MAPKAPK5: variants seen among roughly 807,000 people sequenced by gnomAD.
The protein encoded by MAPKAPK5 is MAP kinase-activated protein kinase 5.
In MAPKAPK5, 30 loss-of-function variants were observed where a neutral mutation model predicts 65.1. That is an observed-to-expected ratio of 0.46 (90% confidence interval 0.34 to 0.63). MAPKAPK5 has a LOEUF of 0.63. MAPKAPK5 is among the 20% of genes least tolerant of loss of function. The probability of loss-of-function intolerance (pLI) is 0.01; values close to 1 mark genes in which losing one functional copy is unlikely to be tolerated. For synonymous variants in MAPKAPK5, 179 were observed against 204.6 expected (o/e 0.87, Z 1.07); for missense variants, 433 against 581.4 (o/e 0.74, Z 2.63).
intron 6 of MAPKAPK5, 108 bp from the exon 7 acceptor site, chr12:111,870,977 C>T (rs751795465): frequency 4.2e-5 from 32 of 765,968 alleles, no homozygotes; most frequent in Non-Finnish European, 6.1e-5. Flanking sequence ...CGCATCTCAG[C>T]TGGAAAGAAA....
At chr12:111,843,263 T>C in intron 1 of MAPKAPK5, 1 of 398,658 alleles carries the variant, frequency 2.5e-6, no homozygotes, top group African/African-American at 2.1e-5. Context: ...GTCCTCACTT[T>C]TCCGTGTATT....
chr12:111,870,223 A>G (rs566213461), intron 5 of MAPKAPK5, 48 bp from the exon 6 acceptor site: 1 of 1,387,618 alleles, frequency 7.2e-7, no homozygotes, highest in East Asian at 2.3e-5. Context: ...GGTGTATTAA[A>G]GAGTGGTCTT....
In MAPKAPK5 at chr12:111,900,659, A is replaced by G. The variant is rs1397081275; in HGVS notation, c.*7598A>G. 1 of 456,106 alleles carries G rather than the reference A, an allele frequency of 2.2e-6. No individual in the cohort carries two copies. Among genetic ancestry groups the G allele is most frequent in the Non-Finnish European group, 4.4e-6 (1 of 226,802 alleles). The allele number at this position is 456,106 out of a possible 1,614,324, so 28.3% of individuals were successfully genotyped here. A position where few individuals can be genotyped will look rare whatever the true frequency, so the allele number is the denominator to read the frequency against. On this transcript the variant is annotated 3_prime_UTR_variant, in exon 14 of 14. Coordinates refer to ENST00000550735, the MANE Select transcript of MAPKAPK5 (RefSeq NM_003668.4). ...ATGCATGCTGTGATGAAAACTGTAT[A>G]CTGAAGGCGAAAGCAGAGTGCAGTG...
chr12:111,844,919 A>G lies in MAPKAPK5; in HGVS notation c.36+2150A>G, dbSNP rs533161488. On this transcript the variant is annotated intron_variant, in intron 1 of 13. Coordinates refer to ENST00000550735, the MANE Select transcript of MAPKAPK5 (RefSeq NM_003668.4). Reference sequence around the variant, plus strand: ...GCTGGAATGCAGTGGGTCAGTGGAGATGATGTAGAGCAGCAATGGGAAGCA... The same window carrying G: ...GCTGGAATGCAGTGGGTCAGTGGAGGTGATGTAGAGCAGCAATGGGAAGCA... Among the ~76,000 whole-genome samples the G allele has an allele frequency of 1.7e-4, 26 of 152,310 alleles. 2 individuals carry two copies. Among genetic ancestry groups the G allele is most frequent in the African/African-American group, 5.3e-4 (22 of 41,564 alleles).
At position 111,888,884 on chromosome 12, in the gene MAPKAPK5, G is replaced by T; in HGVS notation, c.1101-1G>T. ...ATTACCCCTCCCTCAAACTCTTAAA[G>T]CACCAAGCCAAAGGACAGTGTCTAT... On this transcript the variant is annotated splice_acceptor_variant, in intron 11 of 13. Transcript: ENST00000550735. LOFTEE classifies it high-confidence loss of function. 2 of 1,613,594 alleles carry T rather than the reference G, an allele frequency of 1.2e-6. No individual in the cohort carries two copies. The highest frequency in any genetic ancestry group is 1.7e-6 in the Non-Finnish European group (2 of 1,179,708).
chr12:111,864,588 A>G (rs1158352945), intron 1 of MAPKAPK5, among the ~76,000 whole-genome samples: 3 of 152,232 alleles, frequency 2.0e-5, no homozygotes, highest in Admixed American at 6.5e-5. Context: ...CTAACATGCA[A>G]TAGTTAGCCA....
At position 111,900,679 on chromosome 12, in the gene MAPKAPK5, G is replaced by A. The variant is rs1298604973; in HGVS notation, c.*7618G>A. On this transcript the variant is annotated 3_prime_UTR_variant, in exon 14 of 14. Transcript: ENST00000550735. ...TGTATACTGAAGGCGAAAGCAGAGT[G>A]CAGTGATGGTCCATGTTGTCATAAG... 13 of 455,990 alleles carry A rather than the reference G, an allele frequency of 2.9e-5. No individual in the cohort carries two copies. Among genetic ancestry groups the A allele is most frequent in the Non-Finnish European group, 4.0e-5 (9 of 226,804 alleles). 28.2% of individuals were successfully genotyped at this position (455,990 alleles called of 1,614,324 possible).
Position 111,893,097 on chromosome 12 carries a change from A to T in MAPKAPK5, c.*36A>T. The stretch of plus-strand genomic sequence containing the variant: ...AGACTTTGTTTTTTTAACAATTTGA[A>T]AAATTATTCTTTAATGTATAAAGTA... On this transcript the variant is annotated 3_prime_UTR_variant, in exon 14 of 14. Transcript: ENST00000550735. 7.1e-7 allele frequency: 1 copy of T among 1,407,874 alleles called. No individual in the cohort carries two copies. Among genetic ancestry groups the T allele is most frequent in the Non-Finnish European group, 9.6e-7 (1 of 1,036,286 alleles). The allele number at this position is 1,407,874 out of a possible 1,614,324, so 87.2% of individuals were successfully genotyped here. A position where few individuals can be genotyped will look rare whatever the true frequency, so the allele number is the denominator to read the frequency against.
At chr12:111,860,098 T>G (rs1210485056) in intron 1 of MAPKAPK5, among the ~76,000 whole-genome samples, 2 of 152,230 alleles carry the variant, frequency 1.3e-5, no homozygotes, top group Admixed American at 6.5e-5. Flanking sequence ...TTTCATTTTT[T>G]CTTCCCAGCC....
In MAPKAPK5 at chr12:111,893,025, G is replaced by A. The variant is rs189242663; in HGVS notation, c.1380G>A (p.Val460=). The change falls in exon 14 of 14, where the codon GTG becomes GTA. Residue 460 remains valine, a synonymous_variant. Coordinates refer to ENST00000550735, the MANE Select transcript of MAPKAPK5 (RefSeq NM_003668.4). ...RLKLAEIVKQ[V]IEEQTTSHES... ...AACTGGCAGAAATTGTGAAGCAGGTGATAGAAGAGCAAACCACGTCCCACG... is the reference window on the plus strand; with the variant it reads ...AACTGGCAGAAATTGTGAAGCAGGTAATAGAAGAGCAAACCACGTCCCACG... 8.5e-5 allele frequency: 135 copies of A among 1,584,900 alleles called. No homozygotes were observed. Among genetic ancestry groups the A allele is most frequent in the Non-Finnish European group, 6.0e-6 (7 of 1,165,032 alleles).
At chr12:111,868,713 T>C (rs1265643146) in intron 4 of MAPKAPK5, 40 bp from the exon 5 acceptor site, 6 of 1,452,794 alleles carry the variant, frequency 4.1e-6, no homozygotes, top group East Asian at 2.5e-5. Flanking sequence ...TTTTTCTTTT[T>C]TTTTTTTTTA....
At chr12:111,857,277 C>T (rs1333623780) in intron 1 of MAPKAPK5, among the ~76,000 whole-genome samples, 3 of 150,862 alleles carry the variant, frequency 2.0e-5, no homozygotes, top group Non-Finnish European at 3.0e-5. Context: ...GCCTCGCTCC[C>T]GTTGCTTAGG....
Position 111,896,332 on chromosome 12 carries a change from G to C in MAPKAPK5, c.*3271G>C, listed in dbSNP as rs944769204. 6.6e-6 allele frequency: 1 copy of C among 152,096 alleles called. No individual in the cohort carries two copies. Among genetic ancestry groups the C allele is most frequent in the Non-Finnish European group, 1.5e-5 (1 of 68,040 alleles). 9.4% of individuals were successfully genotyped at this position (152,096 alleles called of 1,614,324 possible). On this transcript the variant is annotated 3_prime_UTR_variant, in exon 14 of 14. Transcript: ENST00000550735. ...GCCCTCAATGTAAGTGCTGTGTCCA[G>C]ACACATCCAAATGAGCACCAAGCTG...
chr12:111,877,025 A>AT (rs60828767), intron 7 of MAPKAPK5, among the ~76,000 whole-genome samples: 32 of 139,648 alleles, frequency 2.3e-4, no homozygotes, highest in African/African-American at 3.2e-4. Context: ...TTTAATTTTA[A>AT]TTTTTTTTTT....
Position 111,867,663 on chromosome 12 carries a change from G to A in MAPKAPK5, c.278G>A (p.Ser93Asn), listed in dbSNP as rs543312049. Residue 93 changes from serine (S) to asparagine (N), a missense_variant, in exon 4 of 14, where the codon AGC (serine) becomes AAC (asparagine). By Grantham distance (46) the Ser-to-Asn change is conservative. This residue lies in a region of MAPKAPK5 where 165 missense variants were observed against 180.0 expected (regional missense o/e 0.92). Transcript: ENST00000550735. ...ANSVQFPHESSPRARLLIVME... is the reference protein window; with the variant it reads ...ANSVQFPHESNPRARLLIVME... Reference sequence around the variant, plus strand: ...AGTGTCCAGTTTCCCCATGAGTCCAGCCCTAGGTAAGACTACACAGTGTCA... The same window carrying A: ...AGTGTCCAGTTTCCCCATGAGTCCAACCCTAGGTAAGACTACACAGTGTCA... The A allele has an allele frequency of 3.1e-6, 5 of 1,612,556 alleles. No individual in the cohort carries two copies. The East Asian group carries it at 8.9e-5, about 29-fold the overall frequency.
At chr12:111,858,567 G>A (rs937831822) in intron 1 of MAPKAPK5, among the ~76,000 whole-genome samples, 4 of 124,042 alleles carry the variant, frequency 3.2e-5, no homozygotes, top group African/African-American at 9.9e-5. Flanking sequence ...TTTCCAAAAC[G>A]GAGTCTTGCT....
intron 13 of MAPKAPK5, among the ~76,000 whole-genome samples, chr12:111,890,804 A>G (rs997770702): frequency 8.6e-5 from 13 of 151,192 alleles, no homozygotes; most frequent in Non-Finnish European, 1.9e-4. Context: ...ACTACAGGCA[A>G]GTGCCACCAT....
At chr12:111,855,077 T>C (rs562231609) in intron 1 of MAPKAPK5, among the ~76,000 whole-genome samples, 13 of 152,214 alleles carry the variant, frequency 8.5e-5, no homozygotes, top group Non-Finnish European at 1.8e-4. Context: ...CGTTCATGGT[T>C]TTCCCTTTTA....
intron 12 of MAPKAPK5, 93 bp from the exon 13 acceptor site, chr12:111,889,947 C>T (rs2070548045): frequency 9.2e-6 from 7 of 758,908 alleles, no homozygotes; most frequent in South Asian, 1.6e-5. Context: ...CAACATTTTT[C>T]AACCAGTTGG....
Sources: allele counts gnomAD v4.1 joint callset (sites outside exome capture counted in the v4.1 genomes callset), GRCh38; gene constraint gnomAD v4.1.1; regional missense constraint gnomAD v4.1.1; transcripts MANE v1.5; gene names NCBI Gene and HGNC (gene_info 2026-07-23, HGNC 2026-07-21).